Variants in SH3TC1 observed in about 807,000 individuals in gnomAD.
The protein encoded by SH3TC1 is SH3 domain and tetratricopeptide repeats 1, also known as SH3 domain and tetratricopeptide repeat-containing protein 1.
SH3TC1 carries 135 observed loss-of-function variants against 117.3 expected under a neutral mutation model. The observed-to-expected ratio is 1.15, with a 90% CI of 1.00 to 1.33. SH3TC1 has a LOEUF of 1.33. Ranked by LOEUF, SH3TC1 falls within the 40% of genes most tolerant of loss-of-function variation. SH3TC1 has a pLI of 0.00. For synonymous variants in SH3TC1, 898 were observed against 816.9 expected (o/e 1.10, Z -1.69); for missense variants, 2,092 against 1,794.3 (o/e 1.17, Z -3.00).
intron 7 of SH3TC1, among the ~76,000 whole-genome samples, chr4:8,217,552 A>T (rs1224421040): frequency 1.3e-5 from 2 of 152,244 alleles, no homozygotes; most frequent in Non-Finnish European, 2.9e-5. Context: ...GACAGGTGAC[A>T]TGCAAACTCC....
intron 1 of SH3TC1, among the ~76,000 whole-genome samples, chr4:8,203,176 G>A (rs1054868668): frequency 3.9e-5 from 6 of 152,250 alleles, no homozygotes; most frequent in African/African-American, 1.4e-4. Context: ...CGAGCCGAGA[G>A]CAGTGCGGGG....
upstream of SH3TC1, among the ~76,000 whole-genome samples, chr4:8,198,466 T>A (rs1717635584): frequency 6.6e-6 from 1 of 152,172 alleles, no homozygotes; most frequent in South Asian, 2.1e-4. Flanking sequence ...GGCAAGGGCA[T>A]CAGAGCAGGC....
Position 8,209,890 on chromosome 4 carries a change from AAG to A in SH3TC1, c.247+71_247+72del, listed in dbSNP as rs1413536493. 2.7e-6 allele frequency: 4 copies of A among 1,508,250 alleles called. No individual in the cohort carries two copies. Among genetic ancestry groups the A allele is most frequent in the Non-Finnish European group, 3.6e-6 (4 of 1,100,542 alleles). 93.4% of individuals were successfully genotyped at this position (1,508,250 alleles called of 1,614,324 possible). Reference sequence around the variant, plus strand: ...GGGCTGTGCCGCTCCCTGGGCATCCAAGAGTCCAACCCAGGGCTTCTCAAAGT... The same window carrying A: ...GGGCTGTGCCGCTCCCTGGGCATCCAAGTCCAACCCAGGGCTTCTCAAAGT... On this transcript the variant is annotated intron_variant, in intron 3 of 17. Transcript: ENST00000245105. This position sits in a 1 kb window ranked among gnomAD's most constrained non-coding sequence, Gnocchi z 5.9.
chr4:8,235,316 G>C, intron 14 of SH3TC1, 117 bp from the exon 15 acceptor site: 1 of 1,276,054 alleles, frequency 7.8e-7, no homozygotes. Flanking sequence ...GTCTGAAAAA[G>C]GCTCAGTTGC....
rs1181211022 is a variant in SH3TC1 at position 8,212,747 on chromosome 4, G to A, written c.294G>A (p.Arg98=). The change falls in exon 4 of 18, where the codon CGG becomes CGA. Residue 98 remains arginine (R), a synonymous_variant. Transcript: ENST00000245105. The part of the protein sequence containing the change: ...LLAVRRKSRL[R]DPGLQQTLRG... ...CTGTGCGGAGGAAGAGCAGACTGCGGGACCCCGGCCTACAGCAGACCCTCC... is the reference window on the plus strand; with the variant it reads ...CTGTGCGGAGGAAGAGCAGACTGCGAGACCCCGGCCTACAGCAGACCCTCC... 1.2e-6 allele frequency: 2 copies of A among 1,612,868 alleles called. No homozygotes were observed. Among genetic ancestry groups the A allele is most frequent in the South Asian group, 1.1e-5 (1 of 90,998 alleles).
intron 1 of SH3TC1, among the ~76,000 whole-genome samples, chr4:8,202,227 G>A (rs1476794925): frequency 6.6e-6 from 1 of 152,224 alleles, no homozygotes; most frequent in Non-Finnish European, 1.5e-5. Context: ...AGCAAAGTCC[G>A]AGGCTGGGCG....
In SH3TC1 at chr4:8,227,011, A is replaced by G. The variant is rs750401149; in HGVS notation, c.1317A>G (p.Pro439=). Residue 439 remains proline, a synonymous_variant, in exon 12 of 18, where the codon CCA becomes CCG. Transcript: ENST00000245105. ...CTCCACCTTGCCTGAGCCTGGAGCCACAGGAGACCTTGCAGAAGGTGAAGA... is the reference window on the plus strand; with the variant it reads ...CTCCACCTTGCCTGAGCCTGGAGCCGCAGGAGACCTTGCAGAAGGTGAAGA... ...EIPPPCLSLE[P]QETLQKVKNV... 17 of 1,565,692 alleles carry G rather than the reference A, an allele frequency of 1.1e-5. No individual in the cohort carries two copies. Among genetic ancestry groups the G allele is most frequent in the Non-Finnish European group, 1.4e-5 (16 of 1,155,408 alleles).
Position 8,209,837 on chromosome 4 carries a change from C to T in SH3TC1, c.247+15C>T. ...TTATCCCACAGGTAAACATCCTGGG[C>T]CCTACACAGGGCTTCAGGTTCAAAT... On this transcript the variant is annotated intron_variant, in intron 3 of 17. Coordinates refer to ENST00000245105, the MANE Select transcript of SH3TC1 (RefSeq NM_018986.5). The surrounding 1 kb of genome is among the most constrained non-coding windows in gnomAD (Gnocchi z 5.9). The T allele has an allele frequency of 6.2e-7, 1 of 1,611,426 alleles. No individual in the cohort carries two copies. The highest frequency in any genetic ancestry group is 1.1e-5 in the South Asian group (1 of 90,454).
intron 12 of SH3TC1, chr4:8,231,181 A>G (rs1002558595): frequency 2.6e-5 from 4 of 152,146 alleles, no homozygotes; most frequent in Non-Finnish European, 5.9e-5. Context: ...TCATTTCCAC[A>G]TATTTTTGAC....
intron 14 of SH3TC1, among the ~76,000 whole-genome samples, chr4:8,234,405 T>C (rs76774640): frequency 0.02 from 3,022 of 151,698 alleles, 56 homozygotes; most frequent in Middle Eastern, 0.079. Flanking sequence ...TGTACATACA[T>C]ACATCATCCA....
At chr4:8,240,146 C>G (rs553448871) in intron 17 of SH3TC1, among the ~76,000 whole-genome samples, 1 of 152,096 alleles carries the variant, frequency 6.6e-6, no homozygotes, top group African/African-American at 2.4e-5. Context: ...AAGTGGCATC[C>G]CAACCCAGGG....
chr4:8,228,726 C>G (rs956332740), intron 12 of SH3TC1, 82 bp downstream of exon 12: 8 of 1,216,180 alleles, frequency 6.6e-6, no homozygotes, highest in Non-Finnish European at 8.8e-6. Context: ...CAGACACAAG[C>G]GGTGGTTTTT....
At chr4:8,216,074 T>C in intron 5 of SH3TC1, 37 bp from the exon 6 acceptor site, 1 of 1,608,678 alleles carries the variant, frequency 6.2e-7, no homozygotes, top group Non-Finnish European at 8.5e-7. Context: ...CTGCCCCTCT[T>C]CTGGAGCCCT....
chr4:8,194,668 T>C (rs1717507570), upstream of SH3TC1, among the ~76,000 whole-genome samples: 1 of 152,216 alleles, frequency 6.6e-6, no homozygotes, highest in Non-Finnish European at 1.5e-5. Flanking sequence ...ACCCTGGCGA[T>C]GGGTCACCTT....
Position 8,186,078 on chromosome 4 carries a change from C to G in SH3TC1, c.-57+3868C>G, listed in dbSNP as rs1211124647. On this transcript the variant is annotated intron_variant, in intron 1 of 16. Transcript: ENST00000508641. This position sits in a 1 kb window ranked among gnomAD's most constrained non-coding sequence, Gnocchi z 5.2. ...AGGAGCTGTCCGCGCGGGCCCCTCG[C>G]TGTTTTACTGTGGAGTTGTCGATTT... is the stretch of plus-strand genomic sequence containing the variant. Among the ~76,000 whole-genome samples the G allele has an allele frequency of 1.3e-5, 2 of 152,190 alleles. No individual in the cohort carries two copies. The highest frequency in any genetic ancestry group is 2.9e-5 in the Non-Finnish European group (2 of 68,036).
chr4:8,236,137 T>C, intron 15 of SH3TC1, 141 bp from the exon 16 acceptor site: 13 of 1,123,154 alleles, frequency 1.2e-5, no homozygotes, highest in Non-Finnish European at 1.6e-5. Context: ...TGAACCGCCC[T>C]TTATCTCAGA....
intron 17 of SH3TC1, among the ~76,000 whole-genome samples, chr4:8,238,525 G>C (rs1722025856): frequency 6.6e-6 from 1 of 152,192 alleles, no homozygotes; most frequent in Non-Finnish European, 1.5e-5. Flanking sequence ...AGCTCTTGGG[G>C]GCCTTAGAAC....
chr4:8,219,390 G>A lies in SH3TC1; in HGVS notation c.972G>A (p.Met324Ile). The A allele has an allele frequency of 2.5e-6, 4 of 1,610,072 alleles. No individual in the cohort carries two copies. Among genetic ancestry groups the A allele is most frequent in the Non-Finnish European group, 3.4e-6 (4 of 1,177,700 alleles). ...TCCAGGGCTCGGGGCCCGAAGAGATGACCTTCCGAGGTGGCGACCTCATCG... is the reference window on the plus strand; with the variant it reads ...TCCAGGGCTCGGGGCCCGAAGAGATAACCTTCCGAGGTGGCGACCTCATCG... ...ADFQGSGPEE[M>I]TFRGGDLIEI... The change falls in exon 9 of 18, where the codon ATG (methionine) becomes ATA (isoleucine). Residue 324 changes from methionine (M) to isoleucine (I), a missense_variant. Coordinates refer to ENST00000245105, the MANE Select transcript of SH3TC1 (RefSeq NM_018986.5).
chr4:8,191,123 A>G (rs913166131), intron 1 of SH3TC1, among the ~76,000 whole-genome samples: 9 of 152,186 alleles, frequency 5.9e-5, no homozygotes, highest in Non-Finnish European at 1.3e-4. Flanking sequence ...CTGGGGAAAC[A>G]GCTCGCTTCC....
Sources: allele counts gnomAD v4.1 joint callset (sites outside exome capture counted in the v4.1 genomes callset), GRCh38; gene constraint gnomAD v4.1.1; non-coding constraint Gnocchi (gnomAD v3.1); transcripts MANE v1.5; gene names NCBI Gene and HGNC (gene_info 2026-07-23, HGNC 2026-07-21).